The following BLTP3A variants were observed in gnomAD, a reference collection of about 807,000 sequenced individuals.
The protein encoded by BLTP3A is ICBP90 binding protein 1.
the BLTP3A span, among the ~76,000 whole-genome samples, chr6:34,817,124 C>T: frequency 6.6e-6 from 1 of 152,192 alleles, no homozygotes; most frequent in African/African-American, 2.4e-5. Flanking sequence ...CATGCACTGT[C>T]TTCCTTTACT....
chr6:34,823,217 A>G, the BLTP3A span: 4 of 1,523,212 alleles, frequency 2.6e-6, no homozygotes, highest in East Asian at 4.5e-5. Flanking sequence ...CTGTGTGTGT[A>G]TTTGTGTAAA....
At chr6:34,862,539 T>G in the BLTP3A span, among the ~76,000 whole-genome samples, 5 of 150,192 alleles carry the variant, frequency 3.3e-5, no homozygotes. Flanking sequence ...CTGCAGGGTT[T>G]GTTAAAACAT....
chr6:34,839,691 A>G, the BLTP3A span, among the ~76,000 whole-genome samples: 17 of 152,190 alleles, frequency 1.1e-4, no homozygotes, highest in Non-Finnish European at 2.4e-4. Flanking sequence ...ACTTTTATTT[A>G]GCAGCTCTCT....
At chr6:34,852,870 C>A in the BLTP3A span, among the ~76,000 whole-genome samples, 1 of 152,224 alleles carries the variant, frequency 6.6e-6, no homozygotes, top group Admixed American at 6.5e-5. Context: ...TGATTCCTCT[C>A]TGACTAGGGC....
At chr6:34,808,583 A>AT in the BLTP3A span, among the ~76,000 whole-genome samples, 257 of 141,926 alleles carry the variant, frequency 1.8e-3, no homozygotes, top group African/African-American at 6.5e-3. Context: ...TATTATGAAC[A>AT]CCTTTTTTTT....
chr6:34,809,071 A>G, the BLTP3A span, among the ~76,000 whole-genome samples: 9 of 152,198 alleles, frequency 5.9e-5, no homozygotes, highest in African/African-American at 2.2e-4. Flanking sequence ...TTGATAAGAA[A>G]AACATGACAA....
the BLTP3A span, chr6:34,872,178 A>G: frequency 1.8e-6 from 2 of 1,138,750 alleles, no homozygotes; most frequent in Non-Finnish European, 2.5e-6. Flanking sequence ...GGTCTTAGAA[A>G]AGATATGGTT....
the BLTP3A span, among the ~76,000 whole-genome samples, chr6:34,817,368 A>T: frequency 6.6e-6 from 1 of 152,226 alleles, no homozygotes. Flanking sequence ...CATACTCAGT[A>T]AATGTAGATT....
At chr6:34,803,246 G>A in the BLTP3A span, among the ~76,000 whole-genome samples, 45 of 151,062 alleles carry the variant, frequency 3.0e-4, no homozygotes, top group Non-Finnish European at 5.7e-4. Context: ...AAAAAAAAAA[G>A]GAATTGAGTT....
the BLTP3A span, among the ~76,000 whole-genome samples, chr6:34,868,455 G>A: frequency 6.6e-6 from 1 of 152,028 alleles, no homozygotes; most frequent in Non-Finnish European, 1.5e-5. Flanking sequence ...GGGTGTGGTG[G>A]CTCATGCCTG....
chr6:34,808,071 C>T, the BLTP3A span, among the ~76,000 whole-genome samples: 43 of 150,786 alleles, frequency 2.9e-4, no homozygotes, highest in South Asian at 7.3e-3. Context: ...GGGCCAGGCG[C>T]GGTGGCTCAT....
At chr6:34,802,935 G>C in the BLTP3A span, among the ~76,000 whole-genome samples, 1 of 152,080 alleles carries the variant, frequency 6.6e-6, no homozygotes, top group African/African-American at 2.4e-5. Flanking sequence ...TAGCCCTTTG[G>C]GAGGCTAAGG....
the BLTP3A span, among the ~76,000 whole-genome samples, chr6:34,845,656 G>A: frequency 1.3e-5 from 2 of 151,748 alleles, no homozygotes; most frequent in East Asian, 1.9e-4. Flanking sequence ...GAGTGCAGTG[G>A]TACAATCTTG....
At chr6:34,829,378 A>G in the BLTP3A span, among the ~76,000 whole-genome samples, 1 of 152,188 alleles carries the variant, frequency 6.6e-6, no homozygotes, top group South Asian at 2.1e-4. Flanking sequence ...TTCACTTAGC[A>G]TAATGTTTTC....
At chr6:34,822,096 A>T in the BLTP3A span, 3 of 1,024,446 alleles carry the variant, frequency 2.9e-6, no homozygotes, top group Non-Finnish European at 4.4e-6. Context: ...TCTCTGAGAC[A>T]GTGTGACTGT....
At chr6:34,864,298 A>T in the BLTP3A span, 1 of 1,172,108 alleles carries the variant, frequency 8.5e-7, no homozygotes, top group Non-Finnish European at 1.2e-6. Flanking sequence ...CTGAGAGATG[A>T]TAATATAGAC....
the BLTP3A span, chr6:34,823,492 AG>A: frequency 1.6e-6 from 1 of 630,974 alleles, no homozygotes; most frequent in African/African-American, 1.9e-5. Flanking sequence ...CATATACCCA[AG>A]ATCTAATTTC....
chr6:34,835,033 C>T, the BLTP3A span, among the ~76,000 whole-genome samples: 132 of 152,254 alleles, frequency 8.7e-4, 1 homozygote, highest in Middle Eastern at 0.02. Flanking sequence ...ATGTTTCCAC[C>T]TTCCTGTTTT....
At chr6:34,837,856 A>G in the BLTP3A span, among the ~76,000 whole-genome samples, 1 of 152,206 alleles carries the variant, frequency 6.6e-6, no homozygotes, top group Non-Finnish European at 1.5e-5. Flanking sequence ...ATTTCTTCCA[A>G]GTGTTACTTA....
Sources: gnomAD v4.1 joint callset for allele counts (sites outside exome capture counted in the v4.1 genomes callset) on GRCh38, gnomAD v4.1.1 for gene constraint, MANE v1.5 for transcripts, NCBI Gene and HGNC (gene_info 2026-07-23, HGNC 2026-07-21) for gene names.